The following ITPR1 variants were observed in gnomAD, a reference collection of about 807,000 sequenced individuals.
ITPR1 encodes inositol 1,4,5-trisphosphate-gated calcium channel ITPR1.
Under a neutral mutation model 318.4 loss-of-function variants are expected in ITPR1, and 96 were observed. The observed-to-expected ratio is 0.30, with a 90% CI of 0.26 to 0.36. The LOEUF (loss-of-function observed/expected upper bound fraction) is 0.36, where lower values mean the gene tolerates loss of function less well. Among genes scored for constraint, ITPR1 ranks in the 10% least tolerant of loss-of-function variants. The pLI is 1.00. For missense variants in ITPR1, 2,440 were observed against 3,460.2 expected (o/e 0.71, Z 7.40); for synonymous variants, 1,312 against 1,289.9 (o/e 1.02, Z -0.37).
At chr3:4,795,689 T>G (rs1350888635) in intron 53 of ITPR1, among the ~76,000 whole-genome samples, 1 of 152,238 alleles carries the variant, frequency 6.6e-6, no homozygotes, top group Non-Finnish European at 1.5e-5. Context: ...CTTGAATGAC[T>G]GCAGACTGTA....
At chr3:4,723,889 T>A (rs137929155) in intron 40 of ITPR1, among the ~76,000 whole-genome samples, 16 of 152,300 alleles carry the variant, frequency 1.1e-4, no homozygotes, top group African/African-American at 3.6e-4. Context: ...GGGAAATTGC[T>A]TTAATTCTGC....
At chr3:4,752,383 A>T (rs918796353) in intron 44 of ITPR1, among the ~76,000 whole-genome samples, 7 of 152,174 alleles carry the variant, frequency 4.6e-5, no homozygotes, top group African/African-American at 1.7e-4. Context: ...GGGCCGGGGT[A>T]GTTAACAGTT....
chr3:4,540,437 TG>T (rs2084327088), intron 4 of ITPR1, among the ~76,000 whole-genome samples: 1 of 152,268 alleles, frequency 6.6e-6, no homozygotes, highest in African/African-American at 2.4e-5. Flanking sequence ...TGACCATCTT[TG>T]TCTATTATCT....
chr3:4,717,038 G>A (rs1483142324), intron 39 of ITPR1, among the ~76,000 whole-genome samples: 1 of 152,182 alleles, frequency 6.6e-6, no homozygotes, highest in African/African-American at 2.4e-5. Context: ...AAAAACATTG[G>A]GGAATTTGCC....
At chr3:4,495,412 T>C (rs544750755) in intron 2 of ITPR1, among the ~76,000 whole-genome samples, 8 of 152,322 alleles carry the variant, frequency 5.3e-5, no homozygotes, top group South Asian at 2.1e-4. Flanking sequence ...CACTTCATTA[T>C]AGTGGTATAG....
intron 42 of ITPR1, among the ~76,000 whole-genome samples, chr3:4,730,402 TGTGTGTGTGTGTGTGTG>T (rs1559788480): frequency 9.5e-5 from 14 of 146,902 alleles, no homozygotes; most frequent in South Asian, 6.4e-4. Flanking sequence ...TGTGTGTGTG[TGTGTGTGTGTGTGTGTG>T]TTTCCCCCAG....
intron 26 of ITPR1, among the ~76,000 whole-genome samples, chr3:4,682,903 A>G (rs922275323): frequency 1.3e-5 from 2 of 152,142 alleles, no homozygotes; most frequent in Non-Finnish European, 2.9e-5. Context: ...TAATATTTAA[A>G]TATAGTCAGG....
chr3:4,823,181 G>A (rs2049840287), intron 60 of ITPR1, among the ~76,000 whole-genome samples: 1 of 152,162 alleles, frequency 6.6e-6, no homozygotes, highest in African/African-American at 2.4e-5. Context: ...TGAGCACTTT[G>A]CCTGAGAGAA....
chr3:4,569,074 C>A (rs996030185), intron 4 of ITPR1, among the ~76,000 whole-genome samples: 9 of 152,148 alleles, frequency 5.9e-5, no homozygotes, highest in Non-Finnish European at 1.0e-4. Context: ...ACCCCTCACA[C>A]TGAGGATCAC....
chr3:4,736,535 A>G (rs1206837320), intron 44 of ITPR1, among the ~76,000 whole-genome samples: 1 of 151,994 alleles, frequency 6.6e-6, no homozygotes, highest in African/African-American at 2.4e-5. Context: ...CCCAACGTAC[A>G]CTTTTGAAGT....
At chr3:4,577,581 T>C (rs1411258974) in intron 4 of ITPR1, among the ~76,000 whole-genome samples, 1 of 152,174 alleles carries the variant, frequency 6.6e-6, no homozygotes, top group Non-Finnish European at 1.5e-5. Context: ...TTTCAGCTTA[T>C]AGCCACAAGG....
chr3:4,644,299 G>C (rs2093405158), intron 8 of ITPR1, 65 bp downstream of exon 8: 1 of 1,039,030 alleles, frequency 9.6e-7, no homozygotes. Flanking sequence ...GCAGGCGCCA[G>C]TGCATGCGTG....
At chr3:4,687,949 G>A (rs1317736572) in intron 30 of ITPR1, among the ~76,000 whole-genome samples, 1 of 152,094 alleles carries the variant, frequency 6.6e-6, no homozygotes, top group African/African-American at 2.4e-5. Context: ...CTAATAGGTC[G>A]GACAACTTAA....
chr3:4,661,112 C>G, intron 14 of ITPR1, 25 bp downstream of exon 14: 1 of 1,368,700 alleles, frequency 7.3e-7, no homozygotes, highest in Non-Finnish European at 1.0e-6. Context: ...TTGCCTGTCT[C>G]CTTTTGGTCT....
At chr3:4,835,200 A>G (rs3792514) in intron 60 of ITPR1, among the ~76,000 whole-genome samples, 19,832 of 149,012 alleles carry the variant, frequency 0.13, 2,957 homozygotes, top group African/African-American at 0.36. Flanking sequence ...TTTTTCATCT[A>G]GCTCTCTTAT....
chr3:4,792,315 A>C (rs534128362), intron 52 of ITPR1, among the ~76,000 whole-genome samples: 1 of 152,216 alleles, frequency 6.6e-6, no homozygotes, highest in Non-Finnish European at 1.5e-5. Context: ...ACATGTCAAC[A>C]TGTTGGAGGG....
chr3:4,662,369 G>GGGTGGC (rs1414048437), intron 15 of ITPR1, 127 bp downstream of exon 15: 7 of 736,308 alleles, frequency 9.5e-6, no homozygotes, highest in Non-Finnish European at 9.9e-6. Flanking sequence ...TAGCATTTAT[G>GGGTGGC]GGTGGCTTCA....
intron 4 of ITPR1, among the ~76,000 whole-genome samples, chr3:4,586,904 T>C (rs2089962668): frequency 6.6e-6 from 1 of 152,140 alleles, no homozygotes; most frequent in Admixed American, 6.5e-5. Flanking sequence ...TATTGTGGTT[T>C]TCTCTGACTC....
chr3:4,671,886 G>A (rs945247248), intron 20 of ITPR1: 9 of 152,222 alleles, frequency 5.9e-5, no homozygotes, highest in Admixed American at 4.6e-4. Flanking sequence ...TAAATCATAT[G>A]TAGTATTTTA....
Sources: allele counts gnomAD v4.1 joint callset (sites outside exome capture counted in the v4.1 genomes callset), GRCh38; gene constraint gnomAD v4.1.1; transcripts MANE v1.5; gene names NCBI Gene and HGNC (gene_info 2026-07-23, HGNC 2026-07-21).